Variants in FAM184B observed in about 807,000 individuals in gnomAD.
FAM184B encodes the protein protein FAM184B.
Under a neutral mutation model 135.9 loss-of-function variants are expected in FAM184B, and 111 were observed. The observed-to-expected ratio is 0.82, with a 90% CI of 0.70 to 0.96. The LOEUF is 0.96. Among genes scored for constraint, FAM184B ranks in the 40% least tolerant of loss-of-function variants. The pLI, the probability that FAM184B is intolerant of heterozygous loss-of-function variation, is 0.00. For synonymous variants in FAM184B, 552 were observed against 524.8 expected, an observed-to-expected ratio of 1.05 and a Z score of -0.71; for missense variants, 1,375 against 1,323.9, an observed-to-expected ratio of 1.04 and a Z score of -0.60.
At chr4:17,712,488 C>T (rs1040347733) in intron 1 of FAM184B, among the ~76,000 whole-genome samples, 9 of 152,206 alleles carry the variant, frequency 5.9e-5, no homozygotes, top group East Asian at 1.9e-4. Context: ...CCCTTTCACA[C>T]GGACTTTTAG....
At chr4:17,703,054 C>T (rs1306292389) in intron 5 of FAM184B, among the ~76,000 whole-genome samples, 1 of 152,202 alleles carries the variant, frequency 6.6e-6, no homozygotes, top group Non-Finnish European at 1.5e-5. Context: ...CATCTTTGAG[C>T]TTCAGCTTCC....
At chr4:17,729,087 AC>A (rs1717709196) in intron 1 of FAM184B, among the ~76,000 whole-genome samples, 1 of 152,154 alleles carries the variant, frequency 6.6e-6, no homozygotes, top group Admixed American at 6.5e-5. Flanking sequence ...AAAACGGCAC[AC>A]CAGGAGATTA....
chr4:17,767,420 C>G (rs1409146892), intron 1 of FAM184B, among the ~76,000 whole-genome samples: 1 of 152,146 alleles, frequency 6.6e-6, no homozygotes, highest in Admixed American at 6.5e-5. Context: ...CCTATGAAAA[C>G]AGGAAAAACT....
chr4:17,707,692 T>C lies in FAM184B; in HGVS notation c.987A>G (p.Lys329=). The change falls in exon 3 of 18, where the codon AAA becomes AAG. Residue 329 remains lysine, a synonymous_variant. Coordinates refer to ENST00000265018, the MANE Select transcript of FAM184B (RefSeq NM_015688.2). ...GACACTCCTGCAGCATCATTCTGTC[T>C]TTGGCAACAGCCAGCTTCTCCCCAA... ...KKLGEKLAVA[K]DRMMLQECRG... 6.4e-7 allele frequency: 1 copy of C among 1,551,844 alleles called. No homozygotes were observed. The highest frequency in any genetic ancestry group is 2.0e-5 in the Admixed American group (1 of 51,008).
chr4:17,763,682 T>G (rs577606383), intron 1 of FAM184B, among the ~76,000 whole-genome samples: 1 of 152,338 alleles, frequency 6.6e-6, no homozygotes, highest in East Asian at 1.9e-4. Context: ...ACAGCCCTAA[T>G]GGACTCTTAT....
chr4:17,695,474 G>A (rs1716834354), intron 5 of FAM184B, among the ~76,000 whole-genome samples: 1 of 152,128 alleles, frequency 6.6e-6, no homozygotes, highest in Non-Finnish European at 1.5e-5. Flanking sequence ...CTTCACTACG[G>A]CTTCCTTCTT....
Position 17,639,395 on chromosome 4 carries a change from A to G in FAM184B, c.2521T>C (p.Phe841Leu), listed in dbSNP as rs1175617486. The change falls in exon 14 of 18, where the codon TTC becomes CTC. Residue 841 changes from phenylalanine (F) to leucine (L), a missense_variant and splice_region_variant. By Grantham distance (22) the Phe-to-Leu change is conservative. Transcript: ENST00000265018. ...TGGGCTTGCTGAGTCTCCTCCAGGAACCTGTGGTGGATGAAAGCACAGCCA... is the reference window on the plus strand; with the variant it reads ...TGGGCTTGCTGAGTCTCCTCCAGGAGCCTGTGGTGGATGAAAGCACAGCCA... ...EAQKLRDQRR[F>L]LEETQQAQRA... 1 of 1,551,338 alleles carries G rather than the reference A, an allele frequency of 6.4e-7. No homozygotes were observed. The highest frequency in any genetic ancestry group is 2.4e-5 in the East Asian group (1 of 40,910).
At chr4:17,661,678 G>A (rs1354399911) in intron 8 of FAM184B, among the ~76,000 whole-genome samples, 1 of 152,146 alleles carries the variant, frequency 6.6e-6, no homozygotes, top group South Asian at 2.1e-4. Context: ...CACCTTTAAG[G>A]AGCAATGAAG....
intron 12 of FAM184B, among the ~76,000 whole-genome samples, chr4:17,643,206 T>C (rs562521744): frequency 6.6e-6 from 1 of 152,144 alleles, no homozygotes; most frequent in Non-Finnish European, 1.5e-5. Context: ...GGGAGAGATA[T>C]GAGAATTAGA....
intron 1 of FAM184B, among the ~76,000 whole-genome samples, chr4:17,741,384 C>A (rs1306911904): frequency 2.6e-5 from 4 of 152,126 alleles, no homozygotes; most frequent in Admixed American, 1.3e-4. Flanking sequence ...AAAGCGCAGT[C>A]CTGCCCAGGG....
chr4:17,678,693 T>C (rs548120225), intron 7 of FAM184B, among the ~76,000 whole-genome samples: 2 of 152,154 alleles, frequency 1.3e-5, no homozygotes, highest in East Asian at 3.9e-4. Flanking sequence ...AAAATTCATA[T>C]GGTAAAAAAA....
At chr4:17,764,294 C>T (rs1248435213) in intron 1 of FAM184B, among the ~76,000 whole-genome samples, 3 of 152,212 alleles carry the variant, frequency 2.0e-5, no homozygotes, top group Non-Finnish European at 4.4e-5. Flanking sequence ...TTGTGTTTAA[C>T]CAAAGGTGCT....
At chr4:17,663,444 T>C (rs1183303654) in intron 8 of FAM184B, among the ~76,000 whole-genome samples, 2 of 152,154 alleles carry the variant, frequency 1.3e-5, no homozygotes, top group East Asian at 1.9e-4. Context: ...GCAGATGACA[T>C]GATCCTATAT....
intron 12 of FAM184B, among the ~76,000 whole-genome samples, chr4:17,646,553 G>C (rs1338832358): frequency 1.3e-5 from 2 of 152,092 alleles, no homozygotes; most frequent in Non-Finnish European, 2.9e-5. Context: ...ACACAGGAAG[G>C]GGGACATCAC....
chr4:17,650,078 G>GTCCATCCA (rs34362158), intron 11 of FAM184B, among the ~76,000 whole-genome samples: 35 of 149,338 alleles, frequency 2.3e-4, no homozygotes, highest in East Asian at 1.2e-3. Flanking sequence ...TTGTCTGTCT[G>GTCCATCCA]TCCATCCATC....
At chr4:17,697,383 T>C (rs1168483929) in intron 5 of FAM184B, among the ~76,000 whole-genome samples, 1 of 150,856 alleles carries the variant, frequency 6.6e-6, no homozygotes, top group African/African-American at 2.4e-5. Flanking sequence ...GCATTTTTCC[T>C]GGGGTCAGTC....
intron 7 of FAM184B, among the ~76,000 whole-genome samples, chr4:17,676,541 A>G (rs1441790860): frequency 1.3e-5 from 2 of 152,348 alleles, no homozygotes; most frequent in South Asian, 4.1e-4. Flanking sequence ...AATAGACTGT[A>G]GTATAGTGTA....
intron 1 of FAM184B, among the ~76,000 whole-genome samples, chr4:17,757,011 A>G (rs1325485810): frequency 6.6e-6 from 1 of 152,216 alleles, no homozygotes; most frequent in Non-Finnish European, 1.5e-5. Flanking sequence ...CTTTCCAGTG[A>G]CTGATAACAT....
At chr4:17,776,499 C>A (rs1186944169) in intron 1 of FAM184B, among the ~76,000 whole-genome samples, 1 of 152,188 alleles carries the variant, frequency 6.6e-6, no homozygotes, top group East Asian at 1.9e-4. Flanking sequence ...AGCGATTCTC[C>A]TGCCTCAGCC....
Sources: gnomAD v4.1 joint callset for allele counts (sites outside exome capture counted in the v4.1 genomes callset) on GRCh38, gnomAD v4.1.1 for gene constraint, MANE v1.5 for transcripts, NCBI Gene and HGNC (gene_info 2026-07-23, HGNC 2026-07-21) for gene names.